The following SLC24A2 variants were observed in gnomAD, a reference collection of about 807,000 sequenced individuals.
The protein encoded by SLC24A2 is sodium/potassium/calcium exchanger 2.
Under a neutral mutation model 62.0 loss-of-function variants are expected in SLC24A2, and 36 were observed. The observed-to-expected ratio is 0.58, with a 90% CI of 0.44 to 0.77. The LOEUF (loss-of-function observed/expected upper bound fraction) is 0.77, where lower values mean the gene tolerates loss of function less well. Among genes scored for constraint, SLC24A2 ranks in the 30% least tolerant of loss-of-function variants. The pLI is 0.00. For missense variants in SLC24A2, 846 were observed against 817.9 expected, an observed-to-expected ratio of 1.03 and a Z score of -0.42; for synonymous variants, 358 against 294.0, an observed-to-expected ratio of 1.22 and a Z score of -2.23.
the SLC24A2 span, among the ~76,000 whole-genome samples, chr9:20,066,909 T>C: frequency 6.6e-6 from 1 of 152,180 alleles, no homozygotes; most frequent in Non-Finnish European, 1.5e-5. Flanking sequence ...TTTGGAGTGA[T>C]CTAGGTCCCC....
intron 7 of SLC24A2, among the ~76,000 whole-genome samples, chr9:19,564,464 A>T (rs1454028769): frequency 6.6e-6 from 1 of 152,240 alleles, no homozygotes; most frequent in African/African-American, 2.4e-5. Flanking sequence ...TGAATTGTAA[A>T]GTAAGAATAA....
the SLC24A2 span, among the ~76,000 whole-genome samples, chr9:20,137,929 A>C: frequency 6.6e-6 from 1 of 152,206 alleles, no homozygotes; most frequent in Non-Finnish European, 1.5e-5. Context: ...TCAAGTTTTC[A>C]GCCTATCTGC....
chr9:20,129,793 A>T, the SLC24A2 span, among the ~76,000 whole-genome samples: 3 of 152,196 alleles, frequency 2.0e-5, no homozygotes, highest in South Asian at 6.2e-4. Context: ...AGAATAAGAG[A>T]CACTGCTTGA....
the SLC24A2 span, among the ~76,000 whole-genome samples, chr9:19,826,441 T>C: frequency 1.3e-5 from 2 of 152,262 alleles, no homozygotes; most frequent in South Asian, 2.1e-4. Context: ...ATTGTCTTAC[T>C]TGATTCATGC....
chr9:19,846,285 G>A, the SLC24A2 span, among the ~76,000 whole-genome samples: 4 of 152,160 alleles, frequency 2.6e-5, no homozygotes, highest in Non-Finnish European at 5.9e-5. Context: ...AATGTTGGGT[G>A]CGCATATATT....
the SLC24A2 span, among the ~76,000 whole-genome samples, chr9:20,302,357 A>G: frequency 2.0e-4 from 31 of 152,324 alleles, no homozygotes; most frequent in South Asian, 2.5e-3. Context: ...CCAGCAATCA[A>G]TGAGAGCTCC....
the SLC24A2 span, among the ~76,000 whole-genome samples, chr9:20,088,347 C>G: frequency 6.6e-6 from 1 of 152,178 alleles, no homozygotes. Flanking sequence ...GCAGCCTTAG[C>G]CGTTATTGCC....
At chr9:20,117,469 ATG>A in the SLC24A2 span, among the ~76,000 whole-genome samples, 3 of 152,276 alleles carry the variant, frequency 2.0e-5, no homozygotes, top group South Asian at 6.2e-4. Context: ...CCACGTTTGT[ATG>A]TAATAAACCT....
At chr9:20,156,202 T>C in the SLC24A2 span, among the ~76,000 whole-genome samples, 1 of 151,838 alleles carries the variant, frequency 6.6e-6, no homozygotes, top group Non-Finnish European at 1.5e-5. Context: ...AAATATTGTA[T>C]GATATTCATG....
At chr9:20,192,325 A>G in the SLC24A2 span, among the ~76,000 whole-genome samples, 1 of 152,134 alleles carries the variant, frequency 6.6e-6, no homozygotes, top group Non-Finnish European at 1.5e-5. Context: ...AAGTTGCACT[A>G]AAGACTATTT....
intron 2 of SLC24A2, among the ~76,000 whole-genome samples, chr9:19,655,375 G>T (rs1166132156): frequency 6.6e-6 from 1 of 152,194 alleles, no homozygotes; most frequent in South Asian, 2.1e-4. Context: ...AGACGTAGAC[G>T]TTGATAGGAA....
chr9:19,761,044 T>G (rs564200796), intron 2 of SLC24A2, among the ~76,000 whole-genome samples: 2 of 152,132 alleles, frequency 1.3e-5, no homozygotes, highest in African/African-American at 4.8e-5. Context: ...CACAGGTACC[T>G]TTAACTTAAA....
chr9:19,676,883 C>A (rs1819577826), intron 2 of SLC24A2, among the ~76,000 whole-genome samples: 1 of 152,070 alleles, frequency 6.6e-6, no homozygotes, highest in Admixed American at 6.5e-5. Context: ...CAAAGAGATA[C>A]CATCTCACAC....
chr9:20,097,732 T>A, the SLC24A2 span, among the ~76,000 whole-genome samples: 12 of 63,974 alleles, frequency 1.9e-4, no homozygotes, highest in Admixed American at 1.8e-3. Flanking sequence ...TTTTTTTTTT[T>A]TTTTTTTTTT....
chr9:20,294,114 C>G, the SLC24A2 span, among the ~76,000 whole-genome samples: 1 of 152,096 alleles, frequency 6.6e-6, no homozygotes, highest in African/African-American at 2.4e-5. Flanking sequence ...CTTTGAAGCA[C>G]CAGCTTCCCT....
chr9:19,635,304 T>A (rs928915330), intron 2 of SLC24A2, among the ~76,000 whole-genome samples: 1 of 152,234 alleles, frequency 6.6e-6, no homozygotes, highest in South Asian at 2.1e-4. Flanking sequence ...AAAAGCTTTT[T>A]TTCCTAATTA....
intron 7 of SLC24A2, among the ~76,000 whole-genome samples, chr9:19,554,045 ATTAAG>A (rs1249118267): frequency 1.3e-5 from 2 of 152,206 alleles, no homozygotes; most frequent in Non-Finnish European, 2.9e-5. Context: ...CAAAGAGGTA[ATTAAG>A]TTAAAACAAG....
At chr9:19,819,206 G>A in the SLC24A2 span, among the ~76,000 whole-genome samples, 3 of 152,096 alleles carry the variant, frequency 2.0e-5, no homozygotes, top group African/African-American at 4.8e-5. Flanking sequence ...ACTCAAGATG[G>A]ATTAAAGACT....
the SLC24A2 span, among the ~76,000 whole-genome samples, chr9:20,061,054 A>G: frequency 6.6e-6 from 1 of 152,240 alleles, no homozygotes; most frequent in African/African-American, 2.4e-5. Context: ...CATAAATGGA[A>G]AGACATTCCA....
Sources: gnomAD v4.1 joint callset for allele counts (sites outside exome capture counted in the v4.1 genomes callset) on GRCh38, gnomAD v4.1.1 for gene constraint, MANE v1.5 for transcripts, NCBI Gene and HGNC (gene_info 2026-07-23, HGNC 2026-07-21) for gene names.